TMEM154: variants seen among roughly 807,000 people sequenced by gnomAD.
TMEM154 encodes transmembrane protein 154.
In TMEM154, 27 loss-of-function variants were observed where a neutral mutation model predicts 24.5. The ratio of observed to expected loss-of-function variants is 1.10; its 90% CI spans 0.81 to 1.52. The LOEUF is 1.52. TMEM154 is among the 40% of genes most tolerant of loss of function. The probability of loss-of-function intolerance (pLI) is 0.00; values close to 1 mark genes in which losing one functional copy is unlikely to be tolerated. For missense variants in TMEM154, 228 were observed against 213.4 expected (o/e 1.07, Z -0.43); for synonymous variants, 67 against 76.8 (o/e 0.87, Z 0.67).
intron 1 of TMEM154, among the ~76,000 whole-genome samples, chr4:152,663,518 C>T (rs1728657969): frequency 6.6e-6 from 1 of 152,232 alleles, no homozygotes; most frequent in South Asian, 2.1e-4. Flanking sequence ...GACCAAACTC[C>T]CAGATCACTG....
intron 3 of TMEM154, among the ~76,000 whole-genome samples, chr4:152,649,455 G>A (rs559337592): frequency 3.3e-5 from 5 of 152,252 alleles, no homozygotes; most frequent in South Asian, 2.1e-4. Flanking sequence ...ATTGGTTTTC[G>A]GATTGATGTT....
chr4:152,660,271 T>A (rs1333092345), intron 1 of TMEM154, among the ~76,000 whole-genome samples: 4 of 152,090 alleles, frequency 2.6e-5, no homozygotes, highest in Non-Finnish European at 5.9e-5. Flanking sequence ...ATGGGTATGA[T>A]GAGGTTGGGT....
chr4:152,650,092 G>A (rs969665563), intron 3 of TMEM154, among the ~76,000 whole-genome samples: 3 of 152,188 alleles, frequency 2.0e-5, no homozygotes, highest in Non-Finnish European at 4.4e-5. Flanking sequence ...ACTGATCAGG[G>A]TGGTGGTTGC....
intron 1 of TMEM154, among the ~76,000 whole-genome samples, chr4:152,665,951 C>T (rs769228943): frequency 1.4e-4 from 21 of 152,060 alleles, no homozygotes; most frequent in Non-Finnish European, 2.8e-4. Flanking sequence ...CCACGCCTGA[C>T]TAATTTTTGC....
intron 1 of TMEM154, chr4:152,668,251 C>A (rs952541208): frequency 6.6e-6 from 1 of 150,688 alleles, no homozygotes; most frequent in East Asian, 1.9e-4. Flanking sequence ...TCAAAAAGTT[C>A]TTCGTACCAT....
chr4:152,646,235 A>C (rs191328054), intron 3 of TMEM154, among the ~76,000 whole-genome samples: 1 of 152,156 alleles, frequency 6.6e-6, no homozygotes, highest in African/African-American at 2.4e-5. Flanking sequence ...GGTTCCCCAC[A>C]GGCTTCAGGG....
chr4:152,652,743 T>C lies in TMEM154; in HGVS notation c.249A>G (p.Pro83=). Residue 83 remains proline (P), a synonymous_variant, in exon 2 of 7, where the codon CCA becomes CCG. Coordinates refer to ENST00000304385, the MANE Select transcript of TMEM154 (RefSeq NM_152680.3). ...QLEFILMVLI[P]LILLVLLLLS... ...AAAGTAAGAGGACCAATAAAATCAA[T>C]GGGATTAACACCATCAGTATAAACT... 1 of 1,614,050 alleles carries C rather than the reference T, an allele frequency of 6.2e-7. No individual in the cohort carries two copies. The highest frequency in any genetic ancestry group is 8.5e-7 in the Non-Finnish European group (1 of 1,179,960).
At chr4:152,650,619 T>C (rs1047990085) in intron 3 of TMEM154, among the ~76,000 whole-genome samples, 2 of 152,222 alleles carry the variant, frequency 1.3e-5, no homozygotes, top group Non-Finnish European at 2.9e-5. Context: ...TCTCCTCCTA[T>C]GAATCGGAAA....
At chr4:152,650,473 C>T (rs578076953) in intron 3 of TMEM154, among the ~76,000 whole-genome samples, 1 of 152,182 alleles carries the variant, frequency 6.6e-6, no homozygotes, top group Non-Finnish European at 1.5e-5. Flanking sequence ...CTTCAGGCTT[C>T]ACTTCTTATC....
chr4:152,628,723 A>G (rs1017047415), intron 6 of TMEM154, among the ~76,000 whole-genome samples, 162 bp from the exon 7 acceptor site: 80 of 140,444 alleles, frequency 5.7e-4, no homozygotes, highest in African/African-American at 2.1e-3. Flanking sequence ...TGCAAGCTCC[A>G]CCTCCCAGGT....
At chr4:152,667,871 T>C (rs896982103) in intron 1 of TMEM154, among the ~76,000 whole-genome samples, 4 of 152,290 alleles carry the variant, frequency 2.6e-5, no homozygotes, top group African/African-American at 9.6e-5. Context: ...GCCAGTAGTC[T>C]GCTCTGGGAA....
Position 152,643,170 on chromosome 4 carries a change from A to G in TMEM154, c.396T>C (p.Pro132=), listed in dbSNP as rs767409305. Residue 132 remains proline (P), a synonymous_variant, in exon 5 of 7, where the codon CCT becomes CCC. Transcript: ENST00000304385. The part of the protein sequence containing the change: ...YELGSENVKV[P]IFEEDTPSVM... ...CAGAGGGTGTATCTTCCTCAAAAAT[A>G]GGGCTAGAAATAGAGAGCAAAAGAC... The G allele has an allele frequency of 5.6e-6, 9 of 1,604,082 alleles. No individual in the cohort carries two copies. In the Admixed American group the frequency reaches 1.6e-4, roughly 28 times the overall value.
intron 1 of TMEM154, among the ~76,000 whole-genome samples, chr4:152,654,971 T>C (rs1028719945): frequency 4.6e-5 from 7 of 152,002 alleles, no homozygotes; most frequent in African/African-American, 1.7e-4. Context: ...CAGAATCAAT[T>C]ACAAACTACA....
intron 6 of TMEM154, 39 bp from the exon 7 acceptor site, chr4:152,628,600 A>AAAACACACACAC: frequency 1.0e-6 from 1 of 989,212 alleles, no homozygotes; most frequent in African/African-American, 2.0e-5. Flanking sequence ...AAACAAAAAA[A>AAAACACACACAC]ACACACACAC....
intron 1 of TMEM154, among the ~76,000 whole-genome samples, chr4:152,673,232 T>G (rs375620983): frequency 2.8e-4 from 43 of 152,308 alleles, no homozygotes; most frequent in African/African-American, 9.6e-4. Flanking sequence ...ATAAGTATAA[T>G]TATTCTATGC....
At chr4:152,676,014 A>G (rs1204669653) in intron 1 of TMEM154, among the ~76,000 whole-genome samples, 1 of 152,164 alleles carries the variant, frequency 6.6e-6, no homozygotes, top group African/African-American at 2.4e-5. Context: ...GCTCTCCCAC[A>G]GTGACTGCCT....
intron 1 of TMEM154, among the ~76,000 whole-genome samples, chr4:152,675,316 A>T (rs1404577245): frequency 6.6e-6 from 1 of 152,032 alleles, no homozygotes; most frequent in African/African-American, 2.4e-5. Context: ...AAAAACCCAA[A>T]GCACAATGTG....
intron 1 of TMEM154, among the ~76,000 whole-genome samples, chr4:152,670,674 A>G (rs1728819018): frequency 6.6e-6 from 1 of 152,224 alleles, no homozygotes; most frequent in African/African-American, 2.4e-5. Flanking sequence ...ATAAAATTAT[A>G]AAACTGGGTT....
rs1232746927 is a variant in TMEM154, at chr4:152,625,529, CA to C, written c.*3016del. 1 of 151,564 alleles carries C rather than the reference CA, an allele frequency of 6.6e-6. No individual in the cohort carries two copies. Among genetic ancestry groups the C allele is most frequent in the Non-Finnish European group, 1.5e-5 (1 of 67,926 alleles). The allele number at this position is 151,564 out of a possible 1,614,324, so 9.4% of individuals were successfully genotyped here. A position where few individuals can be genotyped will look rare whatever the true frequency, so the allele number is the denominator to read the frequency against. ...GAAAACCCCATCTCTACTAAAAATA[CA>C]AAAATTAGCTGGGCATAGTGACACA... On this transcript the variant is annotated 3_prime_UTR_variant, in exon 7 of 7. Coordinates refer to ENST00000304385, the MANE Select transcript of TMEM154 (RefSeq NM_152680.3).
Sources: gnomAD v4.1 joint callset for allele counts (sites outside exome capture counted in the v4.1 genomes callset) on GRCh38, gnomAD v4.1.1 for gene constraint, MANE v1.5 for transcripts, NCBI Gene and HGNC (gene_info 2026-07-23, HGNC 2026-07-21) for gene names.